Variants in POLR3C observed in about 807,000 individuals in gnomAD.
The protein encoded by POLR3C is RNA polymerase III subunit C.
Under a neutral mutation model 65.9 loss-of-function variants are expected in POLR3C, and 44 were observed. The observed-to-expected ratio is 0.67, with a 90% CI of 0.52 to 0.86. The LOEUF is 0.86. Among genes scored for constraint, POLR3C ranks in the 40% least tolerant of loss-of-function variants. The pLI, the probability that POLR3C is intolerant of heterozygous loss-of-function variation, is 0.00. For missense variants in POLR3C, 576 were observed against 653.2 expected (o/e 0.88, Z 1.29); for synonymous variants, 263 against 231.6 (o/e 1.14, Z -1.23).
At position 145,826,481 on chromosome 1, in the gene POLR3C, C is replaced by T; in HGVS notation, c.175C>T (p.Gln59Ter). 1 of 1,613,596 alleles carries T rather than the reference C, an allele frequency of 6.2e-7. No homozygotes were observed. Among genetic ancestry groups the T allele is most frequent in the Non-Finnish European group, 8.5e-7 (1 of 1,179,866 alleles). The change falls in exon 3 of 15, where the codon CAA (glutamine) becomes TAA (stop). Residue 59 changes from glutamine (Q) to a stop codon, truncating the protein, a stop_gained. Transcript: ENST00000334163. LOFTEE classifies it high-confidence loss of function. ...GAAGAAAGCCCTGTGTGTCCTCGTC[C>T]AACATAACCTGGTGAGTTATCAAGT... ...QVKKALCVLV[Q>*]HNLVSYQVHK...
In POLR3C at chr1:145,825,874, G is replaced by A. The variant is rs782477365; in HGVS notation, c.98G>A (p.Ser33Asn). ...KIGVHLIRTG[S>N]QPLRVIAHDT... is the part of the protein sequence containing the mutation. ...GGAGTCCATCTGATAAGAACCGGCA[G>A]CCAGCCACTAAGAGTAATTGCCCAT... The change falls in exon 2 of 15, where the codon AGC (serine) becomes AAC (asparagine). Residue 33 changes from serine (S) to asparagine (N), a missense_variant. Coordinates refer to ENST00000334163, the MANE Select transcript of POLR3C (RefSeq NM_006468.8). The A allele has an allele frequency of 3.1e-6, 5 of 1,613,592 alleles. No homozygotes were observed. Among genetic ancestry groups the A allele is most frequent in the Non-Finnish European group, 4.2e-6 (5 of 1,179,610 alleles).
At position 145,833,256 on chromosome 1, in the gene POLR3C, T is replaced by G; in HGVS notation, c.679-4T>G. 6.3e-7 allele frequency: 1 copy of G among 1,575,074 alleles called. No individual in the cohort carries two copies. Among genetic ancestry groups the G allele is most frequent in the South Asian group, 1.1e-5 (1 of 89,398 alleles). ...CTAAATGTTTCTCTAAATCTTTTCC[T>G]CAGCCCATTCCAGATGATGGGATTT... On this transcript the variant is annotated splice_region_variant and splice_polypyrimidine_tract_variant and intron_variant, in intron 5 of 14. Transcript: ENST00000334163.
At chr1:145,840,257 G>A (rs781919398) in intron 13 of POLR3C, 92 bp downstream of exon 13, 3 of 812,800 alleles carry the variant, frequency 3.7e-6, no homozygotes, top group Non-Finnish European at 6.3e-6. Context: ...AATAGACGCT[G>A]GGCCTGGCAG....
chr1:145,827,930 G>GAA lies in POLR3C; in HGVS notation c.590-810_590-809dup, dbSNP rs199510413. ...GTGACAGAGTGAGACTCTGTCTCGG[G>GAA]AAAAAAAAAAGAAAAGAAAATATAT... On this transcript the variant is annotated intron_variant, in intron 4 of 14. Coordinates refer to ENST00000334163, the MANE Select transcript of POLR3C (RefSeq NM_006468.8). Among the ~76,000 whole-genome samples, 5 of 147,620 alleles carry GAA rather than the reference G, an allele frequency of 3.4e-5. No homozygotes were observed. In the South Asian group the frequency reaches 6.5e-4, roughly 19 times the overall value.
chr1:145,828,699 C>T, intron 4 of POLR3C, 50 bp from the exon 5 acceptor site: 1 of 1,248,560 alleles, frequency 8.0e-7, no homozygotes, highest in South Asian at 1.2e-5. Context: ...TTGGTCATTT[C>T]CTGTCATCAT....
chr1:145,840,495 A>G (rs782070163), intron 13 of POLR3C: 97 of 287,892 alleles, frequency 3.4e-4, no homozygotes, highest in Admixed American at 5.8e-4. Flanking sequence ...AACCAAGATC[A>G]CGCCACTGCA....
Position 145,839,986 on chromosome 1 carries a change from T to A in POLR3C, c.1318T>A (p.Tyr440Asn). The A allele has an allele frequency of 1.9e-5, 30 of 1,592,522 alleles. No homozygotes were observed. The highest frequency in any genetic ancestry group is 2.6e-5 in the Non-Finnish European group (30 of 1,160,304). Reference sequence around the variant, plus strand: ...TGCCCGAATGTTGTTGCACAGGTGCTACAAGGTAACTCAATCTGGACCTTC... The same window carrying A: ...TGCCCGAATGTTGTTGCACAGGTGCAACAAGGTAACTCAATCTGGACCTTC... ...SAARMLLHRCYKSIANLIERR... is the reference protein window; with the variant it reads ...SAARMLLHRCNKSIANLIERR... The change falls in exon 12 of 15, where the codon TAC (tyrosine) becomes AAC (asparagine). Residue 440 changes from tyrosine to asparagine, a missense_variant. Physicochemically the swap from Tyr to Asn is moderately radical, Grantham distance 143. Transcript: ENST00000334163.
chr1:145,834,046 AAC>A (rs1282592988), intron 7 of POLR3C, among the ~76,000 whole-genome samples: 20 of 152,308 alleles, frequency 1.3e-4, no homozygotes, highest in African/African-American at 4.6e-4. Flanking sequence ...GGGTGTACTT[AAC>A]ACAAACCTAG....
intron 11 of POLR3C, among the ~76,000 whole-genome samples, chr1:145,838,972 A>G (rs1652078734): frequency 6.6e-6 from 1 of 152,122 alleles, no homozygotes; most frequent in African/African-American, 2.4e-5. Context: ...GGATGGTGAT[A>G]ATAAAAATAA....
chr1:145,833,157 A>G, intron 5 of POLR3C, 103 bp from the exon 6 acceptor site: 1 of 688,118 alleles, frequency 1.5e-6, no homozygotes, highest in Non-Finnish European at 2.5e-6. Context: ...CAACCAATGT[A>G]ATTGTTACTG....
At chr1:145,828,006 AG>A (rs11319703) in intron 4 of POLR3C, among the ~76,000 whole-genome samples, 43,209 of 152,086 alleles carry the variant, frequency 0.28, 7,155 homozygotes, top group Non-Finnish European at 0.37. Flanking sequence ...TTCTTTGAGA[AG>A]GTGGCATTTG....
At chr1:145,835,990 T>G (rs1553728478) in intron 7 of POLR3C, among the ~76,000 whole-genome samples, 1 of 152,218 alleles carries the variant, frequency 6.6e-6, no homozygotes, top group African/African-American at 2.4e-5. Flanking sequence ...CATATTCCAC[T>G]TAATGGCCGT....
chr1:145,830,577 A>C (rs1423011377), intron 5 of POLR3C, among the ~76,000 whole-genome samples: 1 of 152,028 alleles, frequency 6.6e-6, no homozygotes, highest in African/African-American at 2.4e-5. Context: ...AGGTAGGTGG[A>C]TCACCTGAGG....
rs1198222277 is a variant in POLR3C, at chr1:145,844,121, A to G, written c.*1701A>G. Among the ~76,000 whole-genome samples, 1 of 152,210 alleles carries G rather than the reference A, an allele frequency of 6.6e-6. No homozygotes were observed. The highest frequency in any genetic ancestry group is 2.4e-5 in the African/African-American group (1 of 41,448). On this transcript the variant is annotated 3_prime_UTR_variant, in exon 15 of 15. Transcript: ENST00000334163. Reference sequence around the variant, plus strand: ...GACTACAGAGGTTCCTCAAAAAACTAAAAACAGAACTATGCTCCAGCAGTT... The same window carrying G: ...GACTACAGAGGTTCCTCAAAAAACTGAAAACAGAACTATGCTCCAGCAGTT...
At chr1:145,834,179 T>C (rs1553727946) in intron 7 of POLR3C, among the ~76,000 whole-genome samples, 3 of 152,210 alleles carry the variant, frequency 2.0e-5, no homozygotes, top group African/African-American at 7.2e-5. Context: ...GTAGCATCTG[T>C]GTATCTAAAC....
At chr1:145,832,593 G>C (rs1202083390) in intron 5 of POLR3C, among the ~76,000 whole-genome samples, 1 of 152,170 alleles carries the variant, frequency 6.6e-6, no homozygotes, top group Non-Finnish European at 1.5e-5. Flanking sequence ...ATGTGGTGAG[G>C]ATGTGCACAG....
chr1:145,829,732 T>C (rs1651134200), intron 5 of POLR3C, among the ~76,000 whole-genome samples: 1 of 152,208 alleles, frequency 6.6e-6, no homozygotes, highest in Admixed American at 6.5e-5. Flanking sequence ...CTTTATCTCT[T>C]AAACATGTCA....
chr1:145,825,402 C>T (rs958318000), intron 1 of POLR3C, among the ~76,000 whole-genome samples: 2 of 152,130 alleles, frequency 1.3e-5, no homozygotes, highest in African/African-American at 4.8e-5. Context: ...TGAGCCACCG[C>T]GCCAGCCTAT....
chr1:145,841,554 T>C (rs1229467209), intron 14 of POLR3C, among the ~76,000 whole-genome samples: 1 of 152,254 alleles, frequency 6.6e-6, no homozygotes. Context: ...TAAATTTATT[T>C]CTTAAGTATT....
Sources: gnomAD v4.1 joint callset for allele counts (sites outside exome capture counted in the v4.1 genomes callset) on GRCh38, gnomAD v4.1.1 for gene constraint, MANE v1.5 for transcripts, NCBI Gene and HGNC (gene_info 2026-07-23, HGNC 2026-07-21) for gene names.